The following TEAD4 variants were observed in gnomAD, a reference collection of about 807,000 sequenced individuals.
TEAD4 encodes the protein TEA domain transcription factor 4, also known as transcriptional enhancer factor TEF-3.
In TEAD4, 36 loss-of-function variants were observed where a neutral mutation model predicts 52.4. The ratio of observed to expected loss-of-function variants is 0.69; its 90% CI spans 0.53 to 0.91. The LOEUF (loss-of-function observed/expected upper bound fraction) is 0.91. TEAD4 is among the 40% of genes least tolerant of loss of function. The pLI is 0.00. For missense variants in TEAD4, 508 were observed against 583.9 expected, an observed-to-expected ratio of 0.87 and a Z score of 1.34; for synonymous variants, 220 against 231.0, an observed-to-expected ratio of 0.95 and a Z score of 0.43.
At chr12:3,000,037 C>T (rs1319426763) in intron 3 of TEAD4, among the ~76,000 whole-genome samples, 4 of 152,110 alleles carry the variant, frequency 2.6e-5, no homozygotes, top group Admixed American at 6.5e-5. Flanking sequence ...ATTAGCAGCC[C>T]GTCAGTTCTC....
chr12:3,020,062 TG>T (rs1238359738), intron 8 of TEAD4, among the ~76,000 whole-genome samples: 1 of 152,188 alleles, frequency 6.6e-6, no homozygotes, highest in East Asian at 1.9e-4. Flanking sequence ...TCCAGGTTTA[TG>T]GTGCCTTCCT....
intron 5 of TEAD4, among the ~76,000 whole-genome samples, chr12:3,015,654 A>T (rs985360703): frequency 1.2e-4 from 18 of 152,074 alleles, no homozygotes; most frequent in Admixed American, 2.0e-4. Flanking sequence ...TTGCTTCTCA[A>T]CTTCTGTTTT....
chr12:3,006,320 GA>G (rs772106529), intron 3 of TEAD4, among the ~76,000 whole-genome samples: 1 of 151,878 alleles, frequency 6.6e-6, no homozygotes, highest in Non-Finnish European at 1.5e-5. Context: ...CCCCAAATTT[GA>G]AAAAAACCCC....
chr12:3,032,745 A>T (rs77360284), intron 10 of TEAD4, among the ~76,000 whole-genome samples: 1 of 22,400 alleles, frequency 4.5e-5, no homozygotes, highest in African/African-American at 4.9e-5. Context: ...GAAATCAGAG[A>T]TGAGGGAGCG....
At chr12:3,039,320 C>T (rs544618437) in intron 11 of TEAD4, among the ~76,000 whole-genome samples, 17 of 152,326 alleles carry the variant, frequency 1.1e-4, no homozygotes, top group African/African-American at 3.8e-4. Context: ...CACTTGGGCT[C>T]ATAATCCCAT....
rs112183037 is a variant in TEAD4, at chr12:3,017,932, G to T, written c.483+406G>T. Among the ~76,000 whole-genome samples, 746 of 152,270 alleles carry T rather than the reference G, an allele frequency of 4.9e-3. 6 individuals are homozygous for T. The highest frequency in any genetic ancestry group is 0.017 in the African/African-American group (708 of 41,554). On this transcript the variant is annotated intron_variant, in intron 6 of 12. Transcript: ENST00000359864. ...TGCCCTCCTGCCAGGTGGAGAGCTG[G>T]TGCCCCAAAAACAAACCCCTGGTCA...
intron 2 of TEAD4, among the ~76,000 whole-genome samples, chr12:2,990,461 CTTTT>C (rs71057876): frequency 3.6e-3 from 239 of 66,982 alleles, no homozygotes; most frequent in African/African-American, 4.2e-3. Context: ...GACAGATAAT[CTTTT>C]TTTTTTTTTT....
intron 2 of TEAD4, among the ~76,000 whole-genome samples, chr12:2,978,017 C>T (rs1191385993): frequency 1.3e-5 from 2 of 152,206 alleles, no homozygotes; most frequent in East Asian, 1.9e-4. Flanking sequence ...CTCCACCAAT[C>T]CCTTTCCTTC....
intron 2 of TEAD4, among the ~76,000 whole-genome samples, chr12:2,977,740 C>CTTCACGTGGCCTTTCCCGAGAACTTGTTG (rs1378255143): frequency 6.6e-6 from 1 of 152,202 alleles, no homozygotes; most frequent in African/African-American, 2.4e-5. Flanking sequence ...ATGTCCCGGA[C>CTTCACGTGGCCTTTCCCGAGAACTTGTTG]TTCACGTGGC....
At chr12:2,990,024 T>G (rs539723336) in intron 2 of TEAD4, among the ~76,000 whole-genome samples, 1 of 152,246 alleles carries the variant, frequency 6.6e-6, no homozygotes, top group Non-Finnish European at 1.5e-5. Context: ...AATTGCCTTA[T>G]TCTGTTCTCC....
At chr12:3,038,621 A>T (rs1053237879) in intron 11 of TEAD4, among the ~76,000 whole-genome samples, 3 of 152,156 alleles carry the variant, frequency 2.0e-5, no homozygotes, top group African/African-American at 7.2e-5. Context: ...AGTTACAGAA[A>T]ATTCAGGCCT....
Position 3,015,560 on chromosome 12 carries a change from C to T in TEAD4, c.355-1838C>T, listed in dbSNP as rs149142267. On this transcript the variant is annotated intron_variant, in intron 5 of 12. Coordinates refer to ENST00000359864, the MANE Select transcript of TEAD4 (RefSeq NM_003213.4). Reference sequence around the variant, plus strand: ...TCTGAGCCTCCCTGAGCCTCCAGGCCGCGGTGCTGCCCACCTCATGGAGCT... The same window carrying T: ...TCTGAGCCTCCCTGAGCCTCCAGGCTGCGGTGCTGCCCACCTCATGGAGCT... 2.6e-4 allele frequency among the ~76,000 whole-genome samples: 40 copies of T among 152,390 alleles called. 1 individual carries two copies. The highest frequency in any genetic ancestry group is 8.4e-4 in the African/African-American group (35 of 41,592).
chr12:2,966,633 G>A lies in TEAD4; in HGVS notation c.-30+6593G>A, dbSNP rs568409733. Among the ~76,000 whole-genome samples the A allele has an allele frequency of 9.9e-5, 15 of 151,782 alleles. No individual in the cohort carries two copies. In the East Asian group the frequency reaches 1.2e-3, roughly 12 times the overall value. On this transcript the variant is annotated intron_variant, in intron 2 of 12. Transcript: ENST00000359864. Reference sequence around the variant, plus strand: ...TCACCATATTGGTCAGACTGGTTTCGAACTCCTGACCTTGTGATCTGCCCG... The same window carrying A: ...TCACCATATTGGTCAGACTGGTTTCAAACTCCTGACCTTGTGATCTGCCCG...
intron 10 of TEAD4, among the ~76,000 whole-genome samples, chr12:3,033,347 C>A (rs1248265483): frequency 1.3e-5 from 2 of 152,220 alleles, no homozygotes; most frequent in African/African-American, 2.4e-5. Context: ...CTGCTGAGCG[C>A]CACGGGGCCT....
rs2098245692 is a variant in TEAD4 at position 2,994,589 on chromosome 12, A to T, written c.-29-149A>T. ...CCAGAGGGGATGGGACCTGTTCAAGACCCCAGGCCTGATTCTCACAGATCT... is the reference window on the plus strand; with the variant it reads ...CCAGAGGGGATGGGACCTGTTCAAGTCCCCAGGCCTGATTCTCACAGATCT... On this transcript the variant is annotated intron_variant, in intron 2 of 12. Coordinates refer to ENST00000359864, the MANE Select transcript of TEAD4 (RefSeq NM_003213.4). The surrounding 1 kb of genome is among the most constrained non-coding windows in gnomAD (Gnocchi z 4.7). 9.2e-7 allele frequency: 1 copy of T among 1,084,138 alleles called. No homozygotes were observed. Among genetic ancestry groups the T allele is most frequent in the Non-Finnish European group, 1.3e-6 (1 of 788,010 alleles). The allele number at this position is 1,084,138 out of a possible 1,614,324, so 67.2% of individuals were successfully genotyped here.
intron 6 of TEAD4, 98 bp downstream of exon 6, chr12:3,017,624 C>G (rs750714673): frequency 2.1e-6 from 3 of 1,455,762 alleles, no homozygotes; most frequent in Non-Finnish European, 2.7e-6. Flanking sequence ...CCAGATTTCT[C>G]TCACCTGAGT....
Position 3,020,706 on chromosome 12 carries a change from T to G in TEAD4, c.656T>G (p.Val219Gly). 3 of 1,609,444 alleles carry G rather than the reference T, an allele frequency of 1.9e-6. No homozygotes were observed. Among genetic ancestry groups the G allele is most frequent in the Non-Finnish European group, 2.5e-6 (3 of 1,177,892 alleles). Residue 219 changes from valine (V) to glycine (G), a missense_variant, in exon 9 of 13, where the codon GTG (valine) becomes GGG (glycine). By Grantham distance (109) the Val-to-Gly change is moderately radical. Transcript: ENST00000359864. ...GCACCCCCATGGCAGGGCCGCAGCGTGGCCAGCTCCAAGCTCTGGATGTTG... is the reference window on the plus strand; with the variant it reads ...GCACCCCCATGGCAGGGCCGCAGCGGGGCCAGCTCCAAGCTCTGGATGTTG...
intron 10 of TEAD4, among the ~76,000 whole-genome samples, chr12:3,032,980 C>T (rs546876645): frequency 7.9e-5 from 12 of 152,258 alleles, no homozygotes; most frequent in Non-Finnish European, 1.5e-4. Context: ...CTTCCCCCTC[C>T]ATCAGCTGGT....
At chr12:2,975,422 C>G (rs1591557884) in intron 2 of TEAD4, among the ~76,000 whole-genome samples, 1 of 151,454 alleles carries the variant, frequency 6.6e-6, no homozygotes, top group African/African-American at 2.4e-5. Context: ...GAGTCTTGCT[C>G]TTGTTGCCCA....
Sources: allele counts gnomAD v4.1 joint callset (sites outside exome capture counted in the v4.1 genomes callset), GRCh38; gene constraint gnomAD v4.1.1; non-coding constraint Gnocchi (gnomAD v3.1); transcripts MANE v1.5; gene names NCBI Gene and HGNC (gene_info 2026-07-23, HGNC 2026-07-21).